Variants in FAM20C observed in about 807,000 individuals in gnomAD.
FAM20C encodes the protein extracellular serine/threonine protein kinase FAM20C.
Under a neutral mutation model 51.5 loss-of-function variants are expected in FAM20C, and 40 were observed. The observed-to-expected ratio is 0.78, with a 90% confidence interval of 0.60 to 1.01. FAM20C has a LOEUF of 1.01. Among genes scored for constraint, FAM20C ranks in the 50% least tolerant of loss-of-function variants. The pLI, the probability that FAM20C is intolerant of heterozygous loss-of-function variation, is 0.00. For missense variants in FAM20C, 861 were observed against 844.7 expected (o/e 1.02, Z -0.24); for synonymous variants, 406 against 380.6 (o/e 1.07, Z -0.78).
chr7:218,643 G>A (rs909796115), intron 3 of FAM20C, among the ~76,000 whole-genome samples: 6 of 152,236 alleles, frequency 3.9e-5, no homozygotes, highest in Admixed American at 3.9e-4. Context: ...CCACCACGTG[G>A]CCCAGCCGAG....
chr7:258,845 T>A, intron 9 of FAM20C, 140 bp downstream of exon 9: 1 of 850,526 alleles, frequency 1.2e-6, no homozygotes. Context: ...CAGCCCTGAA[T>A]TCAACCCACA....
intron 3 of FAM20C, among the ~76,000 whole-genome samples, chr7:245,548 G>T (rs1788118441): frequency 6.6e-6 from 1 of 152,172 alleles, no homozygotes; most frequent in Non-Finnish European, 1.5e-5. Context: ...GGCCGGCCTT[G>T]GTGGGGGAAG....
intron 3 of FAM20C, chr7:228,563 G>A: frequency 2.2e-6 from 1 of 456,212 alleles, no homozygotes; most frequent in South Asian, 1.5e-5. Flanking sequence ...GACGCCCGCT[G>A]CCTACACCCC....
intron 8 of FAM20C, chr7:257,397 A>C: frequency 5.9e-6 from 2 of 336,980 alleles, no homozygotes; most frequent in South Asian, 4.5e-5. Flanking sequence ...TGCAGAATAG[A>C]TGGGCCTCTG....
intron 3 of FAM20C, chr7:229,200 T>C (rs1562384509): frequency 2.7e-5 from 7 of 257,566 alleles, no homozygotes; most frequent in Non-Finnish European, 1.5e-5. Flanking sequence ...TGGGCTCCGA[T>C]GTGTGGGAAG....
chr7:193,441 G>C lies in FAM20C; in HGVS notation c.242G>C (p.Gly81Ala), dbSNP rs1424391151. The C allele has an allele frequency of 2.8e-6, 4 of 1,444,248 alleles. No homozygotes were observed. The highest frequency in any genetic ancestry group is 3.7e-6 in the Non-Finnish European group (4 of 1,089,548). 89.5% of individuals were successfully genotyped at this position (1,444,248 alleles called of 1,614,324 possible). Residue 81 changes from glycine to alanine, a missense_variant, in exon 1 of 10, where the codon GGC (glycine) becomes GCC (alanine). Gly to Ala is a moderately conservative substitution (Grantham distance 60). Transcript: ENST00000313766. The stretch of plus-strand genomic sequence containing the variant: ...GCCTCCTCCGCCGCCGGCGACGCGG[G>C]CTGGCCCAACAAGCACACGCTCCGC... ...PAASSAAGDAGWPNKHTLRIL... is the reference protein window; with the variant it reads ...PAASSAAGDAAWPNKHTLRIL...
chr7:205,270 TC>T (rs1269828018), intron 2 of FAM20C, among the ~76,000 whole-genome samples: 1 of 81,986 alleles, frequency 1.2e-5, no homozygotes, highest in African/African-American at 3.6e-5. Flanking sequence ...GACGTCAGCC[TC>T]CCGAGTAGCC....
At chr7:213,417 C>T (rs1164828633) in intron 3 of FAM20C, among the ~76,000 whole-genome samples, 1 of 152,198 alleles carries the variant, frequency 6.6e-6, no homozygotes, top group South Asian at 2.1e-4. Context: ...TTGTGAGTGA[C>T]ACGTTTCTGA....
At chr7:233,351 C>T (rs1355184552) in intron 3 of FAM20C, among the ~76,000 whole-genome samples, 4 of 152,222 alleles carry the variant, frequency 2.6e-5, no homozygotes, top group African/African-American at 7.2e-5. Context: ...CGTAATTTCA[C>T]AGCCTTTCCA....
intron 1 of FAM20C, among the ~76,000 whole-genome samples, chr7:194,669 G>A (rs1286705203): frequency 1.3e-5 from 2 of 152,164 alleles, no homozygotes; most frequent in Non-Finnish European, 2.9e-5. Flanking sequence ...CAGGTTCAAG[G>A]AAATGCTTGG....
intron 2 of FAM20C, among the ~76,000 whole-genome samples, chr7:201,172 A>G (rs1293687239): frequency 2.0e-5 from 3 of 152,172 alleles, no homozygotes; most frequent in African/African-American, 4.8e-5. Flanking sequence ...ATTCGTCTTC[A>G]GGAATAACTG....
At chr7:258,429 C>A (rs181266412) in intron 8 of FAM20C, among the ~76,000 whole-genome samples, 67 of 67,588 alleles carry the variant, frequency 9.9e-4, no homozygotes, top group African/African-American at 2.3e-3. Context: ...GGACCCACTG[C>A]CTGGGGTGCT....
intron 2 of FAM20C, among the ~76,000 whole-genome samples, chr7:198,309 G>A (rs1785976053): frequency 6.6e-6 from 1 of 152,192 alleles, no homozygotes; most frequent in African/African-American, 2.4e-5. Flanking sequence ...CAGAGTGGAA[G>A]TGGGCAAATG....
intron 2 of FAM20C, among the ~76,000 whole-genome samples, chr7:206,666 C>T (rs1420779363): frequency 5.1e-4 from 29 of 56,672 alleles, no homozygotes; most frequent in East Asian, 4.3e-3. Flanking sequence ...GCGTCGGTCA[C>T]TGTCCCCTCG....
chr7:231,549 G>C (rs1010721992), intron 3 of FAM20C, among the ~76,000 whole-genome samples: 2 of 152,086 alleles, frequency 1.3e-5, no homozygotes, highest in African/African-American at 4.8e-5. Flanking sequence ...GTGGGAGGAG[G>C]GTTCTGGCTG....
intron 5 of FAM20C, among the ~76,000 whole-genome samples, chr7:253,331 G>A (rs991206398): frequency 2.6e-5 from 4 of 152,194 alleles, no homozygotes; most frequent in East Asian, 1.9e-4. Flanking sequence ...GGTGGGAGAC[G>A]CTTGAGCCGC....
At chr7:212,172 C>T (rs1447486560) in intron 3 of FAM20C, among the ~76,000 whole-genome samples, 2 of 152,220 alleles carry the variant, frequency 1.3e-5, no homozygotes, top group African/African-American at 4.8e-5. Context: ...ATTAATAGTT[C>T]TCTTTAAAGG....
At chr7:221,007 A>G (rs1368401377) in intron 3 of FAM20C, among the ~76,000 whole-genome samples, 1 of 77,382 alleles carries the variant, frequency 1.3e-5, no homozygotes, top group Non-Finnish European at 2.9e-5. Context: ...AGGGGGCTGC[A>G]GGAGCCGTTC....
intron 3 of FAM20C, among the ~76,000 whole-genome samples, chr7:218,636 C>T (rs999292523): frequency 6.6e-6 from 1 of 152,186 alleles, no homozygotes; most frequent in African/African-American, 2.4e-5. Context: ...CCCGTGTCCA[C>T]CACGTGGCCC....
Sources: gnomAD v4.1 joint callset for allele counts (sites outside exome capture counted in the v4.1 genomes callset) on GRCh38, gnomAD v4.1.1 for gene constraint, MANE v1.5 for transcripts, NCBI Gene and HGNC (gene_info 2026-07-23, HGNC 2026-07-21) for gene names.